DNAH12: variants seen among roughly 807,000 people sequenced by gnomAD.
DNAH12 encodes axonemal beta dynein heavy chain 12.
Under a neutral mutation model 371.5 loss-of-function variants are expected in DNAH12, and 285 were observed. That is an observed-to-expected ratio of 0.77 (90% CI 0.70 to 0.85). The LOEUF (loss-of-function observed/expected upper bound fraction) is 0.85. Ranked by LOEUF, DNAH12 falls within the 40% of genes least tolerant of loss-of-function variation. The pLI is 0.00. For missense variants in DNAH12, 3,611 were observed against 3,689.4 expected, an observed-to-expected ratio of 0.98 and a Z score of 0.55; for synonymous variants, 1,200 against 1,213.0, an observed-to-expected ratio of 0.99 and a Z score of 0.22.
chr3:57,328,283 T>C (rs1160674330), intron 62 of DNAH12, among the ~76,000 whole-genome samples: 1 of 151,802 alleles, frequency 6.6e-6, no homozygotes, highest in Admixed American at 6.6e-5. Context: ...ACCAATATCC[T>C]TGATGAACAT....
Position 57,389,839 on chromosome 3 carries a change from T to TATATATATATAA in DNAH12, c.7305+2032_7305+2033insTTATATATATAT, listed in dbSNP as rs1326237791. On this transcript the variant is annotated intron_variant, in intron 45 of 73. Coordinates refer to ENST00000495027, the MANE Select transcript of DNAH12 (RefSeq NM_001366028.2). ...GTGTGTGTGTATATATATATATATATAATACTTTTTTTTTTGAAATGGAGT... is the reference window on the plus strand; with the variant it reads ...GTGTGTGTGTATATATATATATATATATATATATATAAAATACTTTTTTTTTTGAAATGGAGT... Among the ~76,000 whole-genome samples, 86 of 84,860 alleles carry TATATATATATAA rather than the reference T, an allele frequency of 1.0e-3. 9 individuals carry two copies. Among genetic ancestry groups the TATATATATATAA allele is most frequent in the Non-Finnish European group, 1.6e-3 (59 of 36,256 alleles). The allele number at this position is 84,860 out of a possible 152,430, so 55.7% of individuals were successfully genotyped here. A position where few individuals can be genotyped will look rare whatever the true frequency, so the allele number is the denominator to read the frequency against.
chr3:57,467,526 TC>T, intron 17 of DNAH12, among the ~76,000 whole-genome samples: 1 of 152,148 alleles, frequency 6.6e-6, no homozygotes, highest in African/African-American at 2.4e-5. Flanking sequence ...AATGTATTCA[TC>T]TAGAAAAAGT....
chr3:57,378,605 G>A (rs1358853244), intron 52 of DNAH12, among the ~76,000 whole-genome samples: 1 of 152,080 alleles, frequency 6.6e-6, no homozygotes, highest in Admixed American at 6.6e-5. Flanking sequence ...AGCTGCAAGG[G>A]CAAAGCCTTT....
intron 58 of DNAH12, among the ~76,000 whole-genome samples, chr3:57,360,714 C>A (rs1484744036): frequency 6.6e-6 from 1 of 151,752 alleles, no homozygotes; most frequent in Non-Finnish European, 1.5e-5. Flanking sequence ...ACAACAAGTC[C>A]TCTGTCCCAG....
intron 69 of DNAH12, among the ~76,000 whole-genome samples, chr3:57,303,719 G>GGA (rs2061411349): frequency 6.6e-6 from 1 of 151,990 alleles, no homozygotes; most frequent in Admixed American, 6.6e-5. Flanking sequence ...TTTTAAAAGG[G>GGA]GAAAATTCCA....
intron 60 of DNAH12, among the ~76,000 whole-genome samples, chr3:57,350,184 G>A (rs782570227): frequency 6.6e-6 from 1 of 151,280 alleles, no homozygotes; most frequent in Non-Finnish European, 1.5e-5. Context: ...TAGGTACAGT[G>A]TACACTGCTC....
At chr3:57,371,316 CTTCTT>C (rs2063165000) in intron 55 of DNAH12, among the ~76,000 whole-genome samples, 2 of 152,118 alleles carry the variant, frequency 1.3e-5, no homozygotes, top group South Asian at 4.1e-4. Context: ...AATGAAATGT[CTTCTT>C]TTAACATCTT....
At chr3:57,551,156 G>A in the DNAH12 span, among the ~76,000 whole-genome samples, 1 of 151,774 alleles carries the variant, frequency 6.6e-6, no homozygotes, top group Non-Finnish European at 1.5e-5. Flanking sequence ...GTGAGCCACC[G>A]TGCCCAGCCA....
rs1368556217 is a variant in DNAH12, at chr3:57,322,499, T to G, written c.10384-16A>C. On this transcript the variant is annotated splice_polypyrimidine_tract_variant and intron_variant, in intron 64 of 73. Coordinates refer to ENST00000495027, the MANE Select transcript of DNAH12 (RefSeq NM_001366028.2). The stretch of plus-strand genomic sequence containing the variant: ...TTACTGGGAACTAAGACAAAATAAA[T>G]GGAGAGCATTATACAAGATAGCAAG... The G allele has an allele frequency of 1.3e-6, 2 of 1,549,604 alleles. No homozygotes were observed. Among genetic ancestry groups the G allele is most frequent in the Non-Finnish European group, 1.7e-6 (2 of 1,146,198 alleles).
At chr3:57,311,133 A>T (rs1232227340) in intron 66 of DNAH12, among the ~76,000 whole-genome samples, 183 bp from the exon 67 acceptor site, 2 of 152,086 alleles carry the variant, frequency 1.3e-5, no homozygotes, top group Non-Finnish European at 2.9e-5. Context: ...TGGAGTGCAG[A>T]GGCATGATTT....
At chr3:57,524,010 ATGAG>A in intron 2 of DNAH12, 126 bp from the exon 3 acceptor site, 1 of 556,184 alleles carries the variant, frequency 1.8e-6, no homozygotes. Context: ...TGAATTTTTT[ATGAG>A]AAACAAATCC....
chr3:57,388,495 T>C (rs992891540), intron 45 of DNAH12, among the ~76,000 whole-genome samples: 12 of 152,242 alleles, frequency 7.9e-5, no homozygotes, highest in African/African-American at 2.6e-4. Flanking sequence ...ATACTGCCAG[T>C]GTATGCATTT....
At chr3:57,461,781 A>T in intron 18 of DNAH12, 92 bp from the exon 19 acceptor site, 1 of 981,456 alleles carries the variant, frequency 1.0e-6, no homozygotes, top group Middle Eastern at 2.2e-4. Context: ...TAAGAATTTG[A>T]TGTATTACAT....
At chr3:57,395,736 G>A (rs2063722923) in intron 43 of DNAH12, among the ~76,000 whole-genome samples, 1 of 151,834 alleles carries the variant, frequency 6.6e-6, no homozygotes, top group African/African-American at 2.4e-5. Flanking sequence ...CTTGAGCCCA[G>A]GAGTTTGAGA....
At chr3:57,390,424 A>AAAAAAAAAAAAAAAATAT in intron 45 of DNAH12, among the ~76,000 whole-genome samples, 7 of 33,438 alleles carry the variant, frequency 2.1e-4, no homozygotes, top group African/African-American at 3.8e-4. Context: ...AAAAAAAAAA[A>AAAAAAAAAAAAAAAATAT]ATATATATAT....
intron 72 of DNAH12, 46 bp downstream of exon 72, chr3:57,296,298 T>C (rs958370275): frequency 7.1e-7 from 1 of 1,406,632 alleles, no homozygotes; most frequent in African/African-American, 1.4e-5. Flanking sequence ...ATCTTATCTA[T>C]GATTCAGCTA....
Position 57,476,383 on chromosome 3 carries a change from G to A in DNAH12, c.1651-3712C>T, listed in dbSNP as rs541280974. On this transcript the variant is annotated intron_variant, in intron 13 of 73. Transcript: ENST00000495027. Reference sequence around the variant, plus strand: ...GTTCGAGACCAGCCTGGCCAATATGGTGAAGCCCCGTCTCTACTAAAAATA... The same window carrying A: ...GTTCGAGACCAGCCTGGCCAATATGATGAAGCCCCGTCTCTACTAAAAATA... 1.4e-4 allele frequency among the ~76,000 whole-genome samples: 21 copies of A among 152,196 alleles called. No individual in the cohort carries two copies. The East Asian group carries it at 3.3e-3, about 24-fold the overall frequency.
intron 17 of DNAH12, among the ~76,000 whole-genome samples, chr3:57,464,680 A>G (rs963584586): frequency 6.6e-6 from 1 of 152,208 alleles, no homozygotes; most frequent in Admixed American, 6.5e-5. Context: ...CTAACCAGAC[A>G]GGGATATGTG....
chr3:57,475,815 C>T (rs910110855), intron 13 of DNAH12, among the ~76,000 whole-genome samples: 10 of 152,156 alleles, frequency 6.6e-5, no homozygotes, highest in African/African-American at 2.4e-4. Context: ...ATAATAGACA[C>T]TTTGTGCACT....
Sources: allele counts gnomAD v4.1 joint callset (sites outside exome capture counted in the v4.1 genomes callset), GRCh38; gene constraint gnomAD v4.1.1; transcripts MANE v1.5; gene names NCBI Gene and HGNC (gene_info 2026-07-23, HGNC 2026-07-21).